TRAPPC9: variants seen among roughly 807,000 people sequenced by gnomAD.
TRAPPC9 encodes the protein IKK2 binding protein.
In TRAPPC9, 83 loss-of-function variants were observed where a neutral mutation model predicts 124.0. That is an observed-to-expected ratio of 0.67 (90% CI 0.56 to 0.80). The LOEUF (loss-of-function observed/expected upper bound fraction) is 0.80, where lower values mean the gene tolerates loss of function less well. Ranked by LOEUF, TRAPPC9 falls within the 30% of genes least tolerant of loss-of-function variation. The pLI is 0.00. For synonymous variants in TRAPPC9, 638 were observed against 617.5 expected (o/e 1.03, Z -0.49); for missense variants, 1,302 against 1,508.3 (o/e 0.86, Z 2.27).
chr8:140,260,982 A>G (rs1043568712), intron 15 of TRAPPC9, among the ~76,000 whole-genome samples: 5 of 152,246 alleles, frequency 3.3e-5, no homozygotes, highest in African/African-American at 1.2e-4. Context: ...CTCTAGGGTC[A>G]GACACACGTG....
At chr8:139,859,815 G>C (rs1256277419) in intron 21 of TRAPPC9, among the ~76,000 whole-genome samples, 1 of 152,238 alleles carries the variant, frequency 6.6e-6, no homozygotes, top group African/African-American at 2.4e-5. Context: ...GGGACAGCAG[G>C]CAGTACCCTG....
chr8:139,906,740 A>G (rs1354782758), intron 20 of TRAPPC9, among the ~76,000 whole-genome samples: 1 of 151,662 alleles, frequency 6.6e-6, no homozygotes, highest in Non-Finnish European at 1.5e-5. Context: ...TTTCCTGGGT[A>G]CTCCCTTCGC....
intron 17 of TRAPPC9, among the ~76,000 whole-genome samples, chr8:140,187,282 G>A (rs1324889421): frequency 2.6e-5 from 4 of 152,270 alleles, no homozygotes; most frequent in Non-Finnish European, 4.4e-5. Context: ...GAGTATACGC[G>A]GGGGCCTTGG....
intron 17 of TRAPPC9, among the ~76,000 whole-genome samples, chr8:140,085,790 G>A (rs991897966): frequency 3.9e-5 from 6 of 152,208 alleles, no homozygotes; most frequent in East Asian, 3.8e-4. Flanking sequence ...CCGATCTGGC[G>A]CGTTCCACAT....
chr8:140,283,833 A>G, intron 14 of TRAPPC9, 56 bp downstream of exon 14: 1 of 1,592,692 alleles, frequency 6.3e-7, no homozygotes. Context: ...AAAAAAATGT[A>G]GGACCAAAAA....
chr8:140,006,725 T>C (rs1365038292), intron 18 of TRAPPC9, among the ~76,000 whole-genome samples: 1 of 152,134 alleles, frequency 6.6e-6, no homozygotes, highest in Non-Finnish European at 1.5e-5. Context: ...GTGAAAGAGG[T>C]TAGTCACTTG....
At chr8:139,790,740 G>C (rs746668327) in intron 21 of TRAPPC9, among the ~76,000 whole-genome samples, 21 of 152,162 alleles carry the variant, frequency 1.4e-4, no homozygotes, top group Non-Finnish European at 2.4e-4. Flanking sequence ...GAGTGGTTAT[G>C]GTTGGATGTT....
intron 14 of TRAPPC9, among the ~76,000 whole-genome samples, chr8:140,276,799 G>A (rs975375466): frequency 1.1e-4 from 16 of 151,654 alleles, no homozygotes; most frequent in African/African-American, 3.9e-4. Context: ...AGACAGAGGA[G>A]GTGGCCAGAG....
At chr8:140,171,778 T>G (rs1370045200) in intron 17 of TRAPPC9, among the ~76,000 whole-genome samples, 1 of 152,148 alleles carries the variant, frequency 6.6e-6, no homozygotes, top group African/African-American at 2.4e-5. Context: ...CATGCTCTAC[T>G]CCAGTGCCAT....
At chr8:140,172,935 G>C (rs1358533555) in intron 17 of TRAPPC9, among the ~76,000 whole-genome samples, 1 of 152,154 alleles carries the variant, frequency 6.6e-6, no homozygotes, top group Non-Finnish European at 1.5e-5. Flanking sequence ...GTCCAGTGTA[G>C]AATGAAATGG....
chr8:139,812,063 C>T lies in TRAPPC9; in HGVS notation c.3055+73816G>A, dbSNP rs78268142. Among the ~76,000 whole-genome samples, 938 of 152,246 alleles carry T rather than the reference C, an allele frequency of 6.2e-3. 14 individuals are homozygous for T. Among genetic ancestry groups the T allele is most frequent in the African/African-American group, 0.022 (910 of 41,532 alleles). ...GCCACATGGAAGCAGGACATGAGAA[C>T]GCTGGAGAGATATCTCCTGGAACCA... On this transcript the variant is annotated intron_variant, in intron 21 of 22. Transcript: ENST00000438773.
At chr8:140,152,004 G>A (rs562886406) in intron 17 of TRAPPC9, among the ~76,000 whole-genome samples, 8 of 152,234 alleles carry the variant, frequency 5.3e-5, no homozygotes, top group Admixed American at 4.6e-4. Flanking sequence ...ACGCACTGGG[G>A]AGCCGGAATG....
intron 6 of TRAPPC9, among the ~76,000 whole-genome samples, chr8:140,404,909 CGTGTGTGTGTGTGT>C (rs71320356): frequency 2.5e-5 from 3 of 119,964 alleles, no homozygotes; most frequent in African/African-American, 2.8e-5. Context: ...TGTGAGCATG[CGTGTGTGTGTGTGT>C]GTGTGTGTGT....
intron 9 of TRAPPC9, among the ~76,000 whole-genome samples, chr8:140,329,420 C>T (rs1437880916): frequency 2.0e-5 from 3 of 152,144 alleles, no homozygotes; most frequent in African/African-American, 7.2e-5. Flanking sequence ...AGCGATGGCT[C>T]GTCTCCTAGG....
intron 9 of TRAPPC9, among the ~76,000 whole-genome samples, chr8:140,325,594 T>A (rs2066714124): frequency 6.6e-6 from 1 of 152,248 alleles, no homozygotes; most frequent in Admixed American, 6.5e-5. Context: ...AATAGTCCTG[T>A]ATTTATTAAA....
intron 21 of TRAPPC9, among the ~76,000 whole-genome samples, chr8:139,775,575 A>G (rs1009787646): frequency 2.6e-5 from 4 of 152,188 alleles, no homozygotes; most frequent in Non-Finnish European, 5.9e-5. Flanking sequence ...AACTGGGGGC[A>G]CGGCGGCAGC....
chr8:139,929,514 T>C (rs1833000311), intron 19 of TRAPPC9, among the ~76,000 whole-genome samples: 2 of 147,930 alleles, frequency 1.4e-5, no homozygotes, highest in African/African-American at 2.4e-5. Flanking sequence ...GGTGGGCGGA[T>C]CATGAGAAAA....
chr8:140,059,348 T>C (rs1842460624), intron 17 of TRAPPC9, among the ~76,000 whole-genome samples: 1 of 152,254 alleles, frequency 6.6e-6, no homozygotes, highest in Admixed American at 6.5e-5. Flanking sequence ...TATTGATTTA[T>C]ATATAGTTGG....
rs541833027 is a variant in TRAPPC9, at chr8:140,443,169, C to T, written c.585-3972G>A. On this transcript the variant is annotated intron_variant, in intron 2 of 22. Transcript: ENST00000438773. ...AAAAAAAAAAAGCCAGGCGCGGTGG[C>T]TCACACCTGTAATCCCAGCACTTTG... is the stretch of plus-strand genomic sequence containing the variant. Among the ~76,000 whole-genome samples, 858 of 132,166 alleles carry T rather than the reference C, an allele frequency of 6.5e-3. 13 individuals are homozygous for T. Among genetic ancestry groups the T allele is most frequent in the African/African-American group, 0.023 (822 of 36,140 alleles). The allele number at this position is 132,166 out of a possible 152,430, so 86.7% of individuals were successfully genotyped here.
Sources: gnomAD v4.1 joint callset for allele counts (sites outside exome capture counted in the v4.1 genomes callset) on GRCh38, gnomAD v4.1.1 for gene constraint, MANE v1.5 for transcripts, NCBI Gene and HGNC (gene_info 2026-07-23, HGNC 2026-07-21) for gene names.